Variants in ADGRL1 observed in about 807,000 individuals in gnomAD.
The protein encoded by ADGRL1 is CIRL-1.
A neutral mutation model predicts 148.9 loss-of-function variants in ADGRL1; 31 were observed. The observed-to-expected ratio is 0.21, with a 90% CI of 0.16 to 0.28. The LOEUF (loss-of-function observed/expected upper bound fraction) is 0.28. Among genes scored for constraint, ADGRL1 ranks in the 10% least tolerant of loss-of-function variants. ADGRL1 has a pLI of 1.00. For synonymous variants in ADGRL1, 937 were observed against 900.3 expected, an observed-to-expected ratio of 1.04 and a Z score of -0.73; for missense variants, 1,521 against 2,058.8, an observed-to-expected ratio of 0.74 and a Z score of 5.05.
intron 4 of ADGRL1, among the ~76,000 whole-genome samples, chr19:14,164,136 G>A (rs1363827321): frequency 6.6e-6 from 1 of 151,820 alleles, no homozygotes; most frequent in African/African-American, 2.4e-5. Flanking sequence ...GCCGAGGAAG[G>A]GATTCCCAGA....
intron 3 of ADGRL1, among the ~76,000 whole-genome samples, chr19:14,177,304 T>C (rs565619505): frequency 2.3e-4 from 35 of 152,260 alleles, no homozygotes; most frequent in African/African-American, 7.0e-4. Flanking sequence ...GGGGAGGGAC[T>C]TCCCAGTGTA....
chr19:14,163,486 GAGAGAGA>G, intron 4 of ADGRL1, 80 bp from the exon 5 acceptor site: 1 of 1,076,458 alleles, frequency 9.3e-7, no homozygotes, highest in South Asian at 1.6e-5. Context: ...GAGAGAGAGA[GAGAGAGA>G]GAGAGGGGGG....
At chr19:14,189,036 G>A (rs569890052) in intron 1 of ADGRL1, among the ~76,000 whole-genome samples, 1 of 152,236 alleles carries the variant, frequency 6.6e-6, no homozygotes, top group South Asian at 2.1e-4. Flanking sequence ...ACAGGCATGA[G>A]CCATCGTGCC....
rs1967916625 is a variant in ADGRL1 at position 14,149,315 on chromosome 19, T to C, written c.*1558A>G. 6.6e-6 allele frequency: 1 copy of C among 152,278 alleles called. No individual in the cohort carries two copies. The highest frequency in any genetic ancestry group is 2.4e-5 in the African/African-American group (1 of 41,384). The allele number at this position is 152,278 out of a possible 1,614,324, so 9.4% of individuals were successfully genotyped here. ...GTCTTCCCTGCGGGAAGGTGGAGGA[T>C]AGGGAAGGTGATCTCTCACCTTTGC... is the stretch of plus-strand genomic sequence containing the variant. On this transcript the variant is annotated 3_prime_UTR_variant, in exon 23 of 23. Transcript: ENST00000361434.
rs1279804127 is a variant in ADGRL1 at position 14,163,052 on chromosome 19, T to C, written c.749A>G (p.His250Arg). 1.2e-6 allele frequency: 2 copies of C among 1,614,110 alleles called. No homozygotes were observed. The highest frequency in any genetic ancestry group is 1.7e-5 in the Admixed American group (1 of 60,028). Residue 250 changes from histidine to arginine, a missense_variant, in exon 5 of 23, where the codon CAT (histidine) becomes CGT (arginine). Around this residue, in one of 8 missense-constraint regions of ADGRL1, gnomAD observed 334 missense variants for 512.5 expected, o/e 0.65. Coordinates refer to ENST00000361434, the MANE Select transcript of ADGRL1 (RefSeq NM_014921.5). The part of the protein sequence containing the change: ...GETVINTANY[H>R]DTSPYRWGGK... Reference sequence around the variant, plus strand: ...GCCCCAGCGGTAGGGCGAGGTGTCATGGTAGTTGGCGGTATTGATGACCGT... The same window carrying C: ...GCCCCAGCGGTAGGGCGAGGTGTCACGGTAGTTGGCGGTATTGATGACCGT...
intron 4 of ADGRL1, among the ~76,000 whole-genome samples, chr19:14,167,862 T>C (rs1970127253): frequency 6.6e-6 from 1 of 152,078 alleles, no homozygotes; most frequent in South Asian, 2.1e-4. Context: ...TCGGCTTCTC[T>C]GCTCAACCCA....
rs1185448800 is a variant in ADGRL1 at position 14,152,004 on chromosome 19, CG to C, written c.3667+128del. The C allele has an allele frequency of 1.0e-5, 9 of 857,922 alleles. No homozygotes were observed. Among genetic ancestry groups the C allele is most frequent in the East Asian group, 2.6e-5 (1 of 39,106 alleles). 53.1% of individuals were successfully genotyped at this position (857,922 alleles called of 1,614,324 possible). On this transcript the variant is annotated intron_variant, in intron 22 of 22. Transcript: ENST00000361434. This position sits in a 1 kb window ranked among gnomAD's most constrained non-coding sequence, Gnocchi z 6.1. ...CATTCGGCTGCCAGAGGCTGTGTGT[CG>C]GGGGGTGGGGAAATGTGGGCATGGG...
At chr19:14,194,856 CTTTT>C (rs1187408073) in intron 1 of ADGRL1, among the ~76,000 whole-genome samples, 6 of 151,650 alleles carry the variant, frequency 4.0e-5, no homozygotes, top group Non-Finnish European at 5.9e-5. Context: ...ATTTGTCTTT[CTTTT>C]TTCTTTCCTT....
chr19:14,193,207 G>A (rs1972052720), intron 1 of ADGRL1, among the ~76,000 whole-genome samples: 1 of 150,088 alleles, frequency 6.7e-6, no homozygotes, highest in African/African-American at 2.5e-5. Flanking sequence ...GGGAGACCCA[G>A]GCCTGACCAT....
chr19:14,159,675 C>G lies in ADGRL1; in HGVS notation c.1839+60G>C. ...TGCATGCCCTCTTCTCAACCTCCAC[C>G]CCTAATCCCCCCATCAGCTGGAGCC... On this transcript the variant is annotated intron_variant, in intron 9 of 22. Transcript: ENST00000361434. This position sits in a 1 kb window ranked among gnomAD's most constrained non-coding sequence, Gnocchi z 6.0. The G allele has an allele frequency of 6.2e-7, 1 of 1,603,116 alleles. No homozygotes were observed. Among genetic ancestry groups the G allele is most frequent in the South Asian group, 1.1e-5 (1 of 90,844 alleles).
In ADGRL1 at chr19:14,160,562, G is replaced by C; in HGVS notation, c.1614+31C>G. The C allele has an allele frequency of 6.6e-7, 1 of 1,507,756 alleles. No individual in the cohort carries two copies. The highest frequency in any genetic ancestry group is 9.0e-7 in the Non-Finnish European group (1 of 1,105,790). The allele number at this position is 1,507,756 out of a possible 1,614,324, so 93.4% of individuals were successfully genotyped here. On this transcript the variant is annotated intron_variant, in intron 7 of 22. Transcript: ENST00000361434. The surrounding 1 kb of genome is among the most constrained non-coding windows in gnomAD (Gnocchi z 5.9). ...CCCTGGGCCCTGGGCCCGAGCACAT[G>C]TGCCTGCCTGCGAGGGGTGGTGGCT...
intron 3 of ADGRL1, 68 bp downstream of exon 3, chr19:14,177,463 G>A (rs1970900976): frequency 7.1e-7 from 1 of 1,398,884 alleles, no homozygotes; most frequent in Non-Finnish European, 1.0e-6. Flanking sequence ...GTGAACGGGT[G>A]TGCTGGCAGG....
chr19:14,163,228 G>A lies in ADGRL1; in HGVS notation c.573C>T (p.Tyr191=), dbSNP rs753726439. 8.2e-5 allele frequency: 132 copies of A among 1,613,460 alleles called. 3 individuals are homozygous for A. The highest frequency in any genetic ancestry group is 7.2e-4 in the South Asian group (66 of 91,084). ...TLTEYASWED[Y]VAARHTTTYR... is the part of the protein sequence containing the mutation. ...AGGTGGTGGTGTGGCGGGCGGCCACGTAGTCCTCCCACGAGGCATACTCAG... is the reference window on the plus strand; with the variant it reads ...AGGTGGTGGTGTGGCGGGCGGCCACATAGTCCTCCCACGAGGCATACTCAG... The change falls in exon 5 of 23, where the codon TAC becomes TAT. Residue 191 remains tyrosine, a synonymous_variant. Transcript: ENST00000361434.
rs1464006909 is a variant in ADGRL1 at position 14,151,362 on chromosome 19, A to G, written c.3921T>C (p.Pro1307=). 5.6e-6 allele frequency: 9 copies of G among 1,600,028 alleles called. No individual in the cohort carries two copies. The highest frequency in any genetic ancestry group is 4.5e-5 in the South Asian group (4 of 89,826). ...CTTCCTCGCCCCCGCCCCCTGGCACAGGTGGCACAGGGGGCTCAGGCGGTG... is the reference window on the plus strand; with the variant it reads ...CTTCCTCGCCCCCGCCCCCTGGCACGGGTGGCACAGGGGGCTCAGGCGGTG... ...GPPPPEPPVP[P]VPGGGGEEEA... Residue 1307 remains proline, a synonymous_variant, in exon 23 of 23, where the codon CCT becomes CCC. Transcript: ENST00000361434.
Position 14,152,526 on chromosome 19 carries a change from G to A in ADGRL1, c.3511C>T (p.Leu1171=). ...AAGGATGCCTTCTCACCTCGGTTCA[G>A]GGTGGGGGTGCTGTTGATGTCACCC... The part of the protein sequence containing the change: ...MAGDINSTPT[L]NRGTMGNHLL... Residue 1171 remains leucine (L), a synonymous_variant, in exon 20 of 23, where the codon CTG becomes TTG. Coordinates refer to ENST00000361434, the MANE Select transcript of ADGRL1 (RefSeq NM_014921.5). The surrounding 1 kb of genome is among the most constrained non-coding windows in gnomAD (Gnocchi z 6.1). 6.2e-7 allele frequency: 1 copy of A among 1,614,108 alleles called. No homozygotes were observed. The highest frequency in any genetic ancestry group is 1.7e-5 in the Admixed American group (1 of 60,022).
Position 14,160,093 on chromosome 19 carries a change from C to T in ADGRL1, c.1800+19G>A, listed in dbSNP as rs961507819. 9 of 1,560,872 alleles carry T rather than the reference C, an allele frequency of 5.8e-6. No individual in the cohort carries two copies. The highest frequency in any genetic ancestry group is 2.3e-5 in the South Asian group (2 of 86,346). On this transcript the variant is annotated intron_variant, in intron 8 of 22. Coordinates refer to ENST00000361434, the MANE Select transcript of ADGRL1 (RefSeq NM_014921.5). The surrounding 1 kb of genome is among the most constrained non-coding windows in gnomAD (Gnocchi z 5.9). ...AGGCGCCCTCCCCATACCAGGTCAG[C>T]GCCACCGCCAGGCCCCACCTTGTTG...
At chr19:14,187,566 AT>A (rs1410049735) in intron 1 of ADGRL1, among the ~76,000 whole-genome samples, 2 of 124,352 alleles carry the variant, frequency 1.6e-5, no homozygotes, top group East Asian at 2.4e-4. Context: ...TCTTCAGTAA[AT>A]CCCCCCCAGC....
At chr19:14,180,463 C>T (rs888835954) in intron 2 of ADGRL1, among the ~76,000 whole-genome samples, 1 of 151,932 alleles carries the variant, frequency 6.6e-6, no homozygotes, top group African/African-American at 2.4e-5. Context: ...GCCATGTTGG[C>T]CAGGCTGGTC....
At chr19:14,169,933 C>G (rs1055024776) in intron 4 of ADGRL1, 1 of 152,204 alleles carries the variant, frequency 6.6e-6, no homozygotes, top group East Asian at 1.9e-4. Flanking sequence ...TGGCCAGGCT[C>G]CTGGCTCCCC....
Sources: allele counts gnomAD v4.1 joint callset (sites outside exome capture counted in the v4.1 genomes callset), GRCh38; gene constraint gnomAD v4.1.1; regional missense constraint gnomAD v4.1.1; non-coding constraint Gnocchi (gnomAD v3.1); transcripts MANE v1.5; gene names NCBI Gene and HGNC (gene_info 2026-07-23, HGNC 2026-07-21).